The following PTPRN2 variants were observed in gnomAD, a reference collection of about 807,000 sequenced individuals.
PTPRN2 encodes the protein receptor-type tyrosine-protein phosphatase N2.
PTPRN2 carries 74 observed loss-of-function variants against 118.8 expected under a neutral mutation model. The observed-to-expected ratio is 0.62, with a 90% CI of 0.52 to 0.76. PTPRN2 has a LOEUF of 0.76. PTPRN2 is among the 30% of genes least tolerant of loss of function. The pLI is 0.00. For missense variants in PTPRN2, 1,481 were observed against 1,394.4 expected, an observed-to-expected ratio of 1.06 and a Z score of -0.99; for synonymous variants, 641 against 608.0, an observed-to-expected ratio of 1.05 and a Z score of -0.80.
chr7:158,315,711 GGA>G (rs1216406972), intron 3 of PTPRN2, among the ~76,000 whole-genome samples: 1 of 152,240 alleles, frequency 6.6e-6, no homozygotes, highest in Non-Finnish European at 1.5e-5. Flanking sequence ...CCAGGGACTC[GGA>G]GAGAATATGG....
At chr7:157,981,271 G>C (rs545891365) in intron 11 of PTPRN2, among the ~76,000 whole-genome samples, 69 of 152,238 alleles carry the variant, frequency 4.5e-4, no homozygotes, top group African/African-American at 1.6e-3. Context: ...GTGTGGACGA[G>C]ACATGGAGAA....
intron 14 of PTPRN2, among the ~76,000 whole-genome samples, chr7:157,655,291 G>A (rs1026540027): frequency 1.3e-5 from 2 of 152,166 alleles, no homozygotes; most frequent in African/African-American, 4.8e-5. Context: ...TGGTCCAAGC[G>A]GGTCTAGAAC....
intron 2 of PTPRN2, among the ~76,000 whole-genome samples, chr7:158,484,603 T>A (rs1430871719): frequency 1.3e-5 from 2 of 152,242 alleles, no homozygotes; most frequent in Non-Finnish European, 2.9e-5. Context: ...TCTCAAGTGA[T>A]CTGCCCGCCT....
At chr7:158,382,522 G>A (rs1811040039) in intron 2 of PTPRN2, among the ~76,000 whole-genome samples, 1 of 152,104 alleles carries the variant, frequency 6.6e-6, no homozygotes, top group African/African-American at 2.4e-5. Context: ...CTTACAGCAG[G>A]AGTCCCCAAC....
intron 2 of PTPRN2, among the ~76,000 whole-genome samples, chr7:158,341,606 C>G (rs1346342647): frequency 1.2e-4 from 8 of 68,346 alleles, no homozygotes; most frequent in Admixed American, 1.5e-4. Flanking sequence ...AGACATCACT[C>G]ACACCCACAC....
At chr7:157,747,311 C>G (rs1403352800) in intron 12 of PTPRN2, among the ~76,000 whole-genome samples, 1 of 67,208 alleles carries the variant, frequency 1.5e-5, no homozygotes, top group Non-Finnish European at 2.8e-5. Flanking sequence ...GTGGGGTGTC[C>G]GGGTGATTCT....
intron 11 of PTPRN2, among the ~76,000 whole-genome samples, chr7:157,914,077 T>C (rs528431629): frequency 6.6e-6 from 1 of 152,370 alleles, no homozygotes; most frequent in African/African-American, 2.4e-5. Context: ...GATGACCCCT[T>C]GTTATTCTTT....
chr7:157,872,183 G>GCCTCCCCACACACCCATACCCAGTGT (rs1811111144), intron 12 of PTPRN2, among the ~76,000 whole-genome samples: 3 of 95,976 alleles, frequency 3.1e-5, no homozygotes, highest in Non-Finnish European at 6.0e-5. Flanking sequence ...CATACCCAGC[G>GCCTCCCCACACACCCATACCCAGTGT]CCTCCCCACA....
chr7:157,688,930 G>A (rs866734192), intron 12 of PTPRN2, among the ~76,000 whole-genome samples: 54 of 152,274 alleles, frequency 3.5e-4, no homozygotes, highest in Middle Eastern at 3.4e-3. Context: ...AAGGGTTCCC[G>A]GGAGCCGCGG....
chr7:158,479,065 C>T (rs1038421708), intron 2 of PTPRN2, among the ~76,000 whole-genome samples: 4 of 151,990 alleles, frequency 2.6e-5, no homozygotes, highest in African/African-American at 7.2e-5. Context: ...GTGAGTGTTT[C>T]GGGGGCAGAA....
intron 11 of PTPRN2, among the ~76,000 whole-genome samples, chr7:158,077,669 T>C (rs1812483256): frequency 6.6e-6 from 1 of 151,862 alleles, no homozygotes; most frequent in South Asian, 2.1e-4. Context: ...CGGCCGAGCA[T>C]GGGAGGGGAT....
chr7:157,913,869 GT>G (rs2128763954), intron 11 of PTPRN2, among the ~76,000 whole-genome samples: 1 of 152,292 alleles, frequency 6.6e-6, no homozygotes, highest in African/African-American at 2.4e-5. Flanking sequence ...AGTCTGGGAT[GT>G]TTTGTGTATG....
chr7:158,229,114 A>C (rs1829006004), intron 3 of PTPRN2, among the ~76,000 whole-genome samples: 1 of 151,566 alleles, frequency 6.6e-6, no homozygotes, highest in Non-Finnish European at 1.5e-5. Flanking sequence ...TCAGATCTTT[A>C]ACCTTCAGTA....
At chr7:157,620,481 C>A (rs1407554119) in intron 15 of PTPRN2, among the ~76,000 whole-genome samples, 1 of 152,226 alleles carries the variant, frequency 6.6e-6, no homozygotes, top group Admixed American at 6.5e-5. Context: ...GCTGTAAAAG[C>A]AACCACTGTT....
intron 12 of PTPRN2, among the ~76,000 whole-genome samples, chr7:157,789,332 C>T (rs1420687522): frequency 2.0e-5 from 3 of 152,210 alleles, no homozygotes; most frequent in East Asian, 3.8e-4. Flanking sequence ...CTGTTGGGCA[C>T]GTTCCCTCCT....
At chr7:158,013,630 C>T (rs547414941) in intron 11 of PTPRN2, among the ~76,000 whole-genome samples, 49 of 152,162 alleles carry the variant, frequency 3.2e-4, no homozygotes, top group African/African-American at 1.1e-3. Context: ...ATACATCTAT[C>T]AATCCATCTA....
At chr7:158,043,953 G>A (rs915998331) in intron 11 of PTPRN2, among the ~76,000 whole-genome samples, 2 of 152,212 alleles carry the variant, frequency 1.3e-5, no homozygotes, top group Non-Finnish European at 2.9e-5. Context: ...CGCTGACCAC[G>A]TCACTCGACG....
At chr7:157,856,268 T>C (rs1004807761) in intron 12 of PTPRN2, 3 of 152,258 alleles carry the variant, frequency 2.0e-5, no homozygotes, top group African/African-American at 4.8e-5. Flanking sequence ...GATGACTTTA[T>C]AGGAGACCCA....
intron 14 of PTPRN2, among the ~76,000 whole-genome samples, chr7:157,621,799 C>T (rs954764465): frequency 2.0e-5 from 3 of 151,930 alleles, no homozygotes; most frequent in Non-Finnish European, 4.4e-5. Context: ...CATGCTTTAA[C>T]GACAGGGCCA....
Sources: allele counts gnomAD v4.1 joint callset (sites outside exome capture counted in the v4.1 genomes callset), GRCh38; gene constraint gnomAD v4.1.1; transcripts MANE v1.5; gene names NCBI Gene and HGNC (gene_info 2026-07-23, HGNC 2026-07-21).